The following PTP4A3 variants were observed in gnomAD, a reference collection of about 807,000 sequenced individuals.
PTP4A3 encodes the protein protein tyrosine phosphatase type IVA 3.
PTP4A3 carries 9 observed loss-of-function variants against 15.2 expected under a neutral mutation model. The observed-to-expected ratio is 0.59, with a 90% confidence interval of 0.36 to 1.03. The LOEUF is 1.03. Ranked by LOEUF, PTP4A3 falls within the 50% of genes least tolerant of loss-of-function variation. PTP4A3 has a pLI of 0.02. For missense variants in PTP4A3, 234 were observed against 252.1 expected (o/e 0.93, Z 0.49); for synonymous variants, 95 against 102.0 (o/e 0.93, Z 0.41).
rs1373241196 is a variant in PTP4A3, at chr8:141,431,725, C to G, written c.*681C>G. 6.6e-6 allele frequency: 1 copy of G among 152,522 alleles called. No homozygotes were observed. Among genetic ancestry groups the G allele is most frequent in the African/African-American group, 2.4e-5 (1 of 41,458 alleles). The allele number at this position is 152,522 out of a possible 1,614,324, so 9.4% of individuals were successfully genotyped here. A position where few individuals can be genotyped will look rare whatever the true frequency, so the allele number is the denominator to read the frequency against. Reference sequence around the variant, plus strand: ...TCCTGTCCTGATACCGAGGTGGGAGCCCTGCCTTGGCCAGGGTGGCCGTGT... The same window carrying G: ...TCCTGTCCTGATACCGAGGTGGGAGGCCTGCCTTGGCCAGGGTGGCCGTGT... On this transcript the variant is annotated 3_prime_UTR_variant, in exon 6 of 6. Transcript: ENST00000521578.
At chr8:141,430,447 G>A (rs1427534760) in intron 5 of PTP4A3, among the ~76,000 whole-genome samples, 3 of 152,022 alleles carry the variant, frequency 2.0e-5, no homozygotes, top group Non-Finnish European at 4.4e-5. Flanking sequence ...CCAGGTCCCC[G>A]CTGTAAGGAC....
At chr8:141,427,144 G>T (rs1586568617) in intron 4 of PTP4A3, 75 bp downstream of exon 4, 4 of 1,561,970 alleles carry the variant, frequency 2.6e-6, no homozygotes, top group Middle Eastern at 2.2e-4. Context: ...CTCGCTTTTG[G>T]ATGTGGGTCT....
At chr8:141,428,607 TGAGAGTGTGGCCCGCCCTGTGGGTCTGC>T (rs1180251121) in intron 5 of PTP4A3, among the ~76,000 whole-genome samples, 4 of 152,018 alleles carry the variant, frequency 2.6e-5, no homozygotes, top group Admixed American at 1.3e-4. Flanking sequence ...TGGGTCTGTG[TGAGAGTGTGGCCCGCCCTGTGGGTCTGC>T]GAGAGCGTGG....
intron 3 of PTP4A3, chr8:141,426,429 A>T (rs1833580527): frequency 1.0e-6 from 1 of 984,984 alleles, no homozygotes; most frequent in South Asian, 4.7e-5. Flanking sequence ...TGCCCTCAGA[A>T]ATGTGGGCCC....
intron 1 of PTP4A3, among the ~76,000 whole-genome samples, chr8:141,413,669 G>A (rs1586548920): frequency 1.3e-5 from 2 of 152,254 alleles, no homozygotes; most frequent in Non-Finnish European, 2.9e-5. Flanking sequence ...ATGTGAGTGG[G>A]GCACCTGGTC....
At chr8:141,423,649 C>T (rs1215146741) in intron 2 of PTP4A3, among the ~76,000 whole-genome samples, 1 of 150,920 alleles carries the variant, frequency 6.6e-6, no homozygotes, top group African/African-American at 2.4e-5. Context: ...TGACCAGGAT[C>T]AGGGCTTAGT....
chr8:141,402,626 C>A (rs115440621), intron 1 of PTP4A3, among the ~76,000 whole-genome samples: 1,972 of 152,190 alleles, frequency 0.013, 40 homozygotes, highest in African/African-American at 0.045. Flanking sequence ...GGCAGCCCTG[C>A]CCCCGCCCAC....
intron 1 of PTP4A3, among the ~76,000 whole-genome samples, chr8:141,418,142 C>G (rs2130059604): frequency 6.6e-6 from 1 of 152,216 alleles, no homozygotes; most frequent in African/African-American, 2.4e-5. Context: ...GAGGGGGCCG[C>G]GCCCCTTACC....
At chr8:141,414,886 G>C (rs1478483609) in intron 1 of PTP4A3, among the ~76,000 whole-genome samples, 2 of 152,074 alleles carry the variant, frequency 1.3e-5, no homozygotes, top group African/African-American at 4.8e-5. Flanking sequence ...GCAGCATCCT[G>C]ATGGGGGAGG....
At chr8:141,416,672 T>C (rs1415451392) in intron 1 of PTP4A3, among the ~76,000 whole-genome samples, 1 of 152,118 alleles carries the variant, frequency 6.6e-6, no homozygotes, top group African/African-American at 2.4e-5. Context: ...CAGGGCTACC[T>C]GGCTTGGTGT....
At chr8:141,408,650 C>A (rs1226549250) in intron 1 of PTP4A3, among the ~76,000 whole-genome samples, 1 of 151,726 alleles carries the variant, frequency 6.6e-6, no homozygotes, top group Non-Finnish European at 1.5e-5. Context: ...TGGTGGATTT[C>A]ATGTGTTATG....
At chr8:141,414,449 G>A (rs1332989021) in intron 1 of PTP4A3, among the ~76,000 whole-genome samples, 11 of 152,120 alleles carry the variant, frequency 7.2e-5, no homozygotes, top group Admixed American at 6.5e-4. Flanking sequence ...GAGGCTGGAA[G>A]AGGTGGCCCG....
In PTP4A3 at chr8:141,406,966, C is replaced by G. The variant is rs946310922; in HGVS notation, c.-853-14422C>G. On this transcript the variant is annotated intron_variant, in intron 1 of 5. Coordinates refer to ENST00000521578, the MANE Select transcript of PTP4A3 (RefSeq NM_032611.3). The surrounding 1 kb of genome is among the most constrained non-coding windows in gnomAD (Gnocchi z 4.5). ...CTCTAGGGCCCATCTCTGATGCCAC[C>G]TTCACCTTCTGGATTCTCTCCAGGG... 6.6e-6 allele frequency among the ~76,000 whole-genome samples: 1 copy of G among 152,232 alleles called. No homozygotes were observed. The highest frequency in any genetic ancestry group is 1.5e-5 in the Non-Finnish European group (1 of 68,034).
chr8:141,406,165 G>A lies in PTP4A3; in HGVS notation c.-854+14081G>A, dbSNP rs1832716144. Among the ~76,000 whole-genome samples, 1 of 152,254 alleles carries A rather than the reference G, an allele frequency of 6.6e-6. No homozygotes were observed. Among genetic ancestry groups the A allele is most frequent in the South Asian group, 2.1e-4 (1 of 4,826 alleles). ...TGCCAGATGGGTATCCCAGATTCTT[G>A]GTGACCCTCGGTAGCCCCTCTGGGC... On this transcript the variant is annotated intron_variant, in intron 1 of 5. Coordinates refer to ENST00000521578, the MANE Select transcript of PTP4A3 (RefSeq NM_032611.3). The surrounding 1 kb of genome is among the most constrained non-coding windows in gnomAD (Gnocchi z 4.5).
chr8:141,401,491 G>A lies in PTP4A3; in HGVS notation c.-854+9407G>A, dbSNP rs146657361. Among the ~76,000 whole-genome samples, 587 of 152,298 alleles carry A rather than the reference G, an allele frequency of 3.9e-3. 3 individuals carry two copies. The highest frequency in any genetic ancestry group is 4.7e-3 in the Admixed American group (72 of 15,304). ...GTCGGAGGCTCCGAGAGGGCAGCGG[G>A]TCCATCTCAGCAGATGCTCTGCTGA... is the stretch of plus-strand genomic sequence containing the variant. On this transcript the variant is annotated intron_variant, in intron 1 of 5. Transcript: ENST00000521578.
At chr8:141,424,999 G>T in intron 2 of PTP4A3, 49 bp from the exon 3 acceptor site, 1 of 1,507,870 alleles carries the variant, frequency 6.6e-7, no homozygotes. Context: ...TGCCCCCTGA[G>T]CCCTGCAGCC....
chr8:141,425,792 C>G lies in PTP4A3; in HGVS notation c.198+652C>G, dbSNP rs1448710538. Among the ~76,000 whole-genome samples, 1 of 152,200 alleles carries G rather than the reference C, an allele frequency of 6.6e-6. No homozygotes were observed. Among genetic ancestry groups the G allele is most frequent in the Non-Finnish European group, 1.5e-5 (1 of 68,022 alleles). Reference sequence around the variant, plus strand: ...CACTGCTTTTCATCCCAGGACTCTGCTTTTGGCTGGGGTTGCAGTTTTGTG... The same window carrying G: ...CACTGCTTTTCATCCCAGGACTCTGGTTTTGGCTGGGGTTGCAGTTTTGTG... On this transcript the variant is annotated intron_variant, in intron 3 of 5. Coordinates refer to ENST00000521578, the MANE Select transcript of PTP4A3 (RefSeq NM_032611.3). The surrounding 1 kb of genome is among the most constrained non-coding windows in gnomAD (Gnocchi z 4.2).
At chr8:141,394,826 G>A (rs1240617911) in intron 1 of PTP4A3, among the ~76,000 whole-genome samples, 2 of 152,266 alleles carry the variant, frequency 1.3e-5, no homozygotes, top group African/African-American at 4.8e-5. Flanking sequence ...GGGAGTGGCT[G>A]TGGGCTGCAG....
chr8:141,397,618 G>A (rs896231217), intron 1 of PTP4A3, among the ~76,000 whole-genome samples: 17 of 152,334 alleles, frequency 1.1e-4, no homozygotes, highest in South Asian at 4.1e-4. Flanking sequence ...GGCAGGTGGC[G>A]GGGCGGGTAT....
Sources: gnomAD v4.1 joint callset for allele counts (sites outside exome capture counted in the v4.1 genomes callset) on GRCh38, gnomAD v4.1.1 for gene constraint, Gnocchi (gnomAD v3.1) non-coding constraint, MANE v1.5 for transcripts, NCBI Gene and HGNC (gene_info 2026-07-23, HGNC 2026-07-21) for gene names.